The following CFAP46 variants were observed in gnomAD, a reference collection of about 807,000 sequenced individuals.
CFAP46 encodes cilia and flagella associated protein 46.
In CFAP46, 245 loss-of-function variants were observed where a neutral mutation model predicts 325.7. The observed-to-expected ratio is 0.75, with a 90% CI of 0.68 to 0.84. The LOEUF (loss-of-function observed/expected upper bound fraction) is 0.84. Among genes scored for constraint, CFAP46 ranks in the 40% least tolerant of loss-of-function variants. The probability of loss-of-function intolerance (pLI) is 0.00; values close to 1 mark genes in which losing one functional copy is unlikely to be tolerated. For synonymous variants in CFAP46, 1,523 were observed against 1,495.9 expected, an observed-to-expected ratio of 1.02 and a Z score of -0.42; for missense variants, 3,346 against 3,543.0, an observed-to-expected ratio of 0.94 and a Z score of 1.41.
intron 9 of CFAP46, among the ~76,000 whole-genome samples, chr10:132,928,956 T>C (rs1849850076): frequency 6.6e-6 from 1 of 152,228 alleles, no homozygotes. Flanking sequence ...GTAAATATAC[T>C]CATCTTAGGG....
In CFAP46 at chr10:132,869,309, G is replaced by A. The variant is rs765119403; in HGVS notation, c.4575C>T (p.Val1525=). The A allele has an allele frequency of 6.5e-6, 10 of 1,539,142 alleles. No homozygotes were observed. The Admixed American group carries it at 7.9e-5, about 12-fold the overall frequency. ...REAAARHEEA[V]GQVCVSELEQ... is the part of the protein sequence containing the mutation. ...CCAGCTCGCTGACGCACACCTGCCC[G>A]ACCGCCTCTTCATGGCGCGCGGCTG... Residue 1525 remains valine (V), a synonymous_variant, in exon 33 of 58, where the codon GTC becomes GTT. Transcript: ENST00000368586. This position sits in a 1 kb window ranked among gnomAD's most constrained non-coding sequence, Gnocchi z 6.2.
At chr10:132,915,574 C>T (rs1389285279) in intron 17 of CFAP46, among the ~76,000 whole-genome samples, 1 of 151,382 alleles carries the variant, frequency 6.6e-6, no homozygotes, top group South Asian at 2.1e-4. Context: ...CAGCTTCTGC[C>T]CCGAGGGACC....
rs552759807 is a variant in CFAP46 at position 132,827,647 on chromosome 10, G to A, written c.7117+5711C>T. 1.2e-4 allele frequency among the ~76,000 whole-genome samples: 19 copies of A among 152,098 alleles called. No homozygotes were observed. Among genetic ancestry groups the A allele is most frequent in the Non-Finnish European group, 2.4e-4 (16 of 67,990 alleles). ...CTGCATTTAAAGTGAGCAACGTGACGGGACTGGACGCTGCACGCCAGCAAG... is the reference window on the plus strand; with the variant it reads ...CTGCATTTAAAGTGAGCAACGTGACAGGACTGGACGCTGCACGCCAGCAAG... On this transcript the variant is annotated intron_variant, in intron 50 of 57. Transcript: ENST00000368586. The surrounding 1 kb of genome is among the most constrained non-coding windows in gnomAD (Gnocchi z 5.7).
At chr10:132,844,279 C>T (rs904882122) in intron 44 of CFAP46, among the ~76,000 whole-genome samples, 3 of 152,088 alleles carry the variant, frequency 2.0e-5, no homozygotes, top group Non-Finnish European at 2.9e-5. Context: ...GCTGCAGGCT[C>T]GCTCCTCCTC....
At chr10:132,935,652 AG>A (rs879942051) in intron 7 of CFAP46, among the ~76,000 whole-genome samples, 19 of 129,820 alleles carry the variant, frequency 1.5e-4, no homozygotes, top group South Asian at 5.4e-4. Context: ...CACTCCCCTC[AG>A]CACCCAAACA....
chr10:132,808,703 G>C lies in CFAP46; in HGVS notation c.7866C>G (p.His2622Gln). ...GGGAGCTGGGGATGGGAGCCGGGAG[G>C]TGGGGATGGGTTGGCAGAGGGGCAG... ...LGSAPLPTHP[H>Q]LPAPIPSSQL... is the part of the protein sequence containing the mutation. The change falls in exon 58 of 58, where the codon CAC (histidine) becomes CAG (glutamine). Residue 2622 changes from histidine to glutamine, a missense_variant. By Grantham distance (24) the His-to-Gln change is conservative. Coordinates refer to ENST00000368586, the MANE Select transcript of CFAP46 (RefSeq NM_001200049.3). The surrounding 1 kb of genome is among the most constrained non-coding windows in gnomAD (Gnocchi z 6.8). 1 of 1,569,258 alleles carries C rather than the reference G, an allele frequency of 6.4e-7. No individual in the cohort carries two copies. The highest frequency in any genetic ancestry group is 8.6e-7 in the Non-Finnish European group (1 of 1,157,348).
chr10:132,916,383 C>T (rs1374094992), intron 17 of CFAP46, among the ~76,000 whole-genome samples, 166 bp downstream of exon 17: 2 of 152,234 alleles, frequency 1.3e-5, no homozygotes. Flanking sequence ...CCCATTTTCT[C>T]TTTCATGGTC....
Position 132,827,350 on chromosome 10 carries a change from C to T in CFAP46, c.7117+6008G>A, listed in dbSNP as rs1848075031. Among the ~76,000 whole-genome samples the T allele has an allele frequency of 6.6e-6, 1 of 152,142 alleles. No individual in the cohort carries two copies. The highest frequency in any genetic ancestry group is 6.5e-5 in the Admixed American group (1 of 15,272). On this transcript the variant is annotated intron_variant, in intron 50 of 57. Transcript: ENST00000368586. This position sits in a 1 kb window ranked among gnomAD's most constrained non-coding sequence, Gnocchi z 5.7. ...GCTGCCACGCCGACTGCTGTGGGAG[C>T]TCCTGGGCCTGGAGGAGCCTCCCTG...
chr10:132,826,922 G>A (rs559127349), intron 50 of CFAP46, among the ~76,000 whole-genome samples: 7 of 152,320 alleles, frequency 4.6e-5, no homozygotes, highest in Admixed American at 2.6e-4. Context: ...TGTGGGCGGC[G>A]AGCTGGGCTG....
At chr10:132,825,022 G>C (rs1307085234) in intron 50 of CFAP46, among the ~76,000 whole-genome samples, 1 of 144,090 alleles carries the variant, frequency 6.9e-6, no homozygotes, top group East Asian at 2.1e-4. Flanking sequence ...TGTGTGCACT[G>C]TGTGCTGTGT....
Position 132,817,946 on chromosome 10 carries a change from C to T in CFAP46, c.7118-3032G>A, listed in dbSNP as rs943864815. ...CTCCTGGCCACGCCCTCCATCCTCACCGTCGGCAGCGCAGCCCCCAGGCTC... is the reference window on the plus strand; with the variant it reads ...CTCCTGGCCACGCCCTCCATCCTCATCGTCGGCAGCGCAGCCCCCAGGCTC... On this transcript the variant is annotated intron_variant, in intron 50 of 57. Coordinates refer to ENST00000368586, the MANE Select transcript of CFAP46 (RefSeq NM_001200049.3). The surrounding 1 kb of genome is among the most constrained non-coding windows in gnomAD (Gnocchi z 4.4). 6.6e-6 allele frequency among the ~76,000 whole-genome samples: 1 copy of T among 152,208 alleles called. No individual in the cohort carries two copies.
chr10:132,853,320 T>A (rs1591054776), intron 39 of CFAP46, among the ~76,000 whole-genome samples: 1 of 152,246 alleles, frequency 6.6e-6, no homozygotes, highest in African/African-American at 2.4e-5. Flanking sequence ...ATGGTTTTTG[T>A]TAGTTTTGAA....
At position 132,832,673 on chromosome 10, in the gene CFAP46, G is replaced by T. The variant is rs1848169862; in HGVS notation, c.7117+685C>A. On this transcript the variant is annotated intron_variant, in intron 50 of 57. Transcript: ENST00000368586. The surrounding 1 kb of genome is among the most constrained non-coding windows in gnomAD (Gnocchi z 4.1). ...GTGCAGAAAACTGCACGTACCGCAA[G>T]GGTAGCGCTCGGGGAAGCTTCACAA... The T allele has an allele frequency of 4.5e-6, 2 of 442,316 alleles. No individual in the cohort carries two copies. The highest frequency in any genetic ancestry group is 3.4e-4 in the Middle Eastern group (1 of 2,968). 27.4% of individuals were successfully genotyped at this position (442,316 alleles called of 1,614,324 possible).
chr10:132,872,917 A>C, intron 31 of CFAP46, 93 bp from the exon 32 acceptor site: 2 of 1,375,388 alleles, frequency 1.5e-6, no homozygotes, highest in Non-Finnish European at 1.0e-6. Context: ...CTCCCTCCCC[A>C]TGCCAGCACA....
chr10:132,904,432 G>A (rs975832600), intron 22 of CFAP46, among the ~76,000 whole-genome samples: 4 of 152,230 alleles, frequency 2.6e-5, no homozygotes, highest in Non-Finnish European at 5.9e-5. Flanking sequence ...GGCCACTAGA[G>A]GACAGCAATG....
At position 132,878,135 on chromosome 10, in the gene CFAP46, G is replaced by T. The variant is rs370557116; in HGVS notation, c.4006-48C>A. ...TTGCAGCACTGAAAACCCACCCACC[G>T]CCCACTCTGCCCACCCTCCACTCCT... is the stretch of plus-strand genomic sequence containing the variant. On this transcript the variant is annotated intron_variant, in intron 29 of 57. Transcript: ENST00000368586. 38 of 1,493,200 alleles carry T rather than the reference G, an allele frequency of 2.5e-5. No homozygotes were observed. The Admixed American group carries it at 3.7e-4, about 15-fold the overall frequency. 92.5% of individuals were successfully genotyped at this position (1,493,200 alleles called of 1,614,324 possible). A position where few individuals can be genotyped will look rare whatever the true frequency, so the allele number is the denominator to read the frequency against.
At chr10:132,897,205 C>T (rs778935026) in intron 24 of CFAP46, among the ~76,000 whole-genome samples, 17 of 152,032 alleles carry the variant, frequency 1.1e-4, no homozygotes, top group Non-Finnish European at 2.4e-4. Flanking sequence ...TGTAGCAGGA[C>T]CAGGGATATG....
chr10:132,898,911 A>G, intron 24 of CFAP46, 48 bp downstream of exon 24: 1 of 1,540,328 alleles, frequency 6.5e-7, no homozygotes, highest in Non-Finnish European at 8.8e-7. Context: ...TGGAAGACCC[A>G]CTAGAGGCCT....
rs1192152387 is a variant in CFAP46, at chr10:132,919,915, G to C, written c.1730+144C>G. ...GGCGGGACTCCCAGGCAGGGACCTC[G>C]TCCCACCATCCTGGAGCAGGTGGCC... On this transcript the variant is annotated intron_variant, in intron 14 of 57. Transcript: ENST00000368586. This position sits in a 1 kb window ranked among gnomAD's most constrained non-coding sequence, Gnocchi z 9.7. 8.7e-7 allele frequency: 1 copy of C among 1,151,404 alleles called. No individual in the cohort carries two copies. 71.3% of individuals were successfully genotyped at this position (1,151,404 alleles called of 1,614,324 possible). A position where few individuals can be genotyped will look rare whatever the true frequency, so the allele number is the denominator to read the frequency against.
Sources: allele counts gnomAD v4.1 joint callset (sites outside exome capture counted in the v4.1 genomes callset), GRCh38; gene constraint gnomAD v4.1.1; non-coding constraint Gnocchi (gnomAD v3.1); transcripts MANE v1.5; gene names NCBI Gene and HGNC (gene_info 2026-07-23, HGNC 2026-07-21).